The following STAU2 variants were observed in gnomAD, a reference collection of about 807,000 sequenced individuals.
STAU2 encodes the protein double-stranded RNA-binding protein Staufen homolog 2.
STAU2 carries 20 observed loss-of-function variants against 65.9 expected under a neutral mutation model. That is an observed-to-expected ratio of 0.30 (90% CI 0.21 to 0.44). STAU2 has a LOEUF of 0.44. Among genes scored for constraint, STAU2 ranks in the 20% least tolerant of loss-of-function variants. The pLI, the probability that STAU2 is intolerant of heterozygous loss-of-function variation, is 1.00. For missense variants in STAU2, 558 were observed against 683.9 expected (o/e 0.82, Z 2.05); for synonymous variants, 232 against 233.9 (o/e 0.99, Z 0.07).
chr8:73,744,605 AT>A (rs1807146244), intron 1 of STAU2, among the ~76,000 whole-genome samples: 1 of 151,884 alleles, frequency 6.6e-6, no homozygotes, highest in South Asian at 2.1e-4. Flanking sequence ...TTTTTTTTAT[AT>A]TCATACTATT....
At chr8:73,568,424 G>C (rs901037867) in intron 12 of STAU2, among the ~76,000 whole-genome samples, 1 of 152,152 alleles carries the variant, frequency 6.6e-6, no homozygotes, top group East Asian at 1.9e-4. Flanking sequence ...AACTCCACAA[G>C]ACCTTGTCTC....
chr8:73,729,036 T>C (rs1386893699), intron 3 of STAU2, among the ~76,000 whole-genome samples: 1 of 152,200 alleles, frequency 6.6e-6, no homozygotes, highest in Non-Finnish European at 1.5e-5. Context: ...ACTATTGAGT[T>C]GGATGTTAGC....
At chr8:73,520,181 G>C (rs1048006357) in intron 13 of STAU2, among the ~76,000 whole-genome samples, 6 of 152,192 alleles carry the variant, frequency 3.9e-5, no homozygotes, top group African/African-American at 1.4e-4. Flanking sequence ...GGAGACATAG[G>C]CAAAGAACCA....
chr8:73,493,033 C>CA (rs555582062), intron 13 of STAU2, among the ~76,000 whole-genome samples: 38 of 151,742 alleles, frequency 2.5e-4, no homozygotes, highest in Non-Finnish European at 4.7e-4. Context: ...ATTTGATTTT[C>CA]AAAAAAATGC....
intron 13 of STAU2, among the ~76,000 whole-genome samples, chr8:73,539,406 A>C (rs1806380747): frequency 6.6e-6 from 1 of 152,214 alleles, no homozygotes; most frequent in Non-Finnish European, 1.5e-5. Context: ...TAATGAATGG[A>C]TATAAAATCT....
In STAU2 at chr8:73,642,544, A is replaced by G. The variant is rs534152283; in HGVS notation, c.411-25093T>C. Among the ~76,000 whole-genome samples, 190 of 152,050 alleles carry G rather than the reference A, an allele frequency of 1.2e-3. 2 individuals are homozygous for G. The highest frequency in any genetic ancestry group is 4.0e-3 in the African/African-American group (166 of 41,478). On this transcript the variant is annotated intron_variant, in intron 6 of 14. Coordinates refer to ENST00000524300, the MANE Select transcript of STAU2 (RefSeq NM_001164380.2). The stretch of plus-strand genomic sequence containing the variant: ...CCAAAAATAAAAAAAAAAAACTTTC[A>G]TCTTCCACTCTTCTGAAAATGAAGA...
chr8:73,747,403 G>A (rs1048928580), upstream of STAU2: 1 of 1,535,266 alleles, frequency 6.5e-7, no homozygotes, highest in South Asian at 1.2e-5. Context: ...CAGGCTCTCC[G>A]GCTGCCCCTC....
At chr8:73,716,618 T>C (rs1821268589) in intron 3 of STAU2, among the ~76,000 whole-genome samples, 1 of 152,122 alleles carries the variant, frequency 6.6e-6, no homozygotes, top group Non-Finnish European at 1.5e-5. Context: ...TAATGATACC[T>C]CGTGATTTTA....
At chr8:73,554,785 A>G (rs1482291584) in intron 12 of STAU2, among the ~76,000 whole-genome samples, 1 of 152,200 alleles carries the variant, frequency 6.6e-6, no homozygotes, top group Non-Finnish European at 1.5e-5. Context: ...CAGTTACACT[A>G]TAGAACCCAA....
chr8:73,653,676 G>A, intron 6 of STAU2: 1 of 180,418 alleles, frequency 5.5e-6, no homozygotes, highest in South Asian at 1.1e-4. Context: ...CAGAAATTCT[G>A]ATTTAATTAG....
chr8:73,585,149 A>C (rs1415841507), intron 11 of STAU2, among the ~76,000 whole-genome samples: 1 of 151,946 alleles, frequency 6.6e-6, no homozygotes, highest in Non-Finnish European at 1.5e-5. Flanking sequence ...TTATTTGACT[A>C]AACTAATTTC....
At chr8:73,706,877 A>G (rs1397975435) in intron 4 of STAU2, among the ~76,000 whole-genome samples, 2 of 152,230 alleles carry the variant, frequency 1.3e-5, no homozygotes, top group Non-Finnish European at 2.9e-5. Context: ...AAGGAGATAG[A>G]TAAAAGGTCA....
chr8:73,738,142 A>G lies in STAU2; in HGVS notation c.-18+142T>C, dbSNP rs193248652. ...AACAACCTGCCCTACACAGCCTCCA[A>G]TGATGACTATACAGTAGGTAACTGC... On this transcript the variant is annotated intron_variant, in intron 3 of 14. Coordinates refer to ENST00000524300, the MANE Select transcript of STAU2 (RefSeq NM_001164380.2). 6 of 739,780 alleles carry G rather than the reference A, an allele frequency of 8.1e-6. No homozygotes were observed. The East Asian group carries it at 1.1e-4, about 14-fold the overall frequency. 45.8% of individuals were successfully genotyped at this position (739,780 alleles called of 1,614,324 possible). A position where few individuals can be genotyped will look rare whatever the true frequency, so the allele number is the denominator to read the frequency against.
At chr8:73,464,283 T>C (rs765320648) in intron 13 of STAU2, among the ~76,000 whole-genome samples, 2 of 152,146 alleles carry the variant, frequency 1.3e-5, no homozygotes, top group Non-Finnish European at 2.9e-5. Context: ...TTCTCAGAAG[T>C]CTCCATTTTC....
At chr8:73,693,035 C>T (rs933213067) in intron 4 of STAU2, among the ~76,000 whole-genome samples, 17 of 151,984 alleles carry the variant, frequency 1.1e-4, no homozygotes, top group African/African-American at 2.4e-4. Context: ...GTGGTGCGCA[C>T]CTATAGTCCC....
chr8:73,656,171 A>G (rs1816356054), intron 6 of STAU2, among the ~76,000 whole-genome samples: 1 of 152,236 alleles, frequency 6.6e-6, no homozygotes, highest in Non-Finnish European at 1.5e-5. Flanking sequence ...TGATGTATCT[A>G]AGAAAGAATA....
intron 13 of STAU2, among the ~76,000 whole-genome samples, chr8:73,495,781 G>A (rs1821389540): frequency 6.6e-6 from 1 of 150,452 alleles, no homozygotes; most frequent in Non-Finnish European, 1.5e-5. Context: ...AATGAGTATT[G>A]TTTTATGATA....
intron 6 of STAU2, among the ~76,000 whole-genome samples, chr8:73,624,586 T>C (rs1054607369): frequency 1.3e-5 from 2 of 152,216 alleles, no homozygotes; most frequent in African/African-American, 4.8e-5. Flanking sequence ...AACTGAAGAA[T>C]AGAGATATTC....
chr8:73,717,622 T>TTTGTTGTTGTTG (rs75469180), intron 3 of STAU2, among the ~76,000 whole-genome samples: 115 of 150,170 alleles, frequency 7.7e-4, no homozygotes, highest in African/African-American at 2.0e-3. Flanking sequence ...CTATTTGTCT[T>TTTGTTGTTGTTG]TTGTTGTTGT....
Sources: allele counts gnomAD v4.1 joint callset (sites outside exome capture counted in the v4.1 genomes callset), GRCh38; gene constraint gnomAD v4.1.1; transcripts MANE v1.5; gene names NCBI Gene and HGNC (gene_info 2026-07-23, HGNC 2026-07-21).